The following CEP85L variants were observed in gnomAD, a reference collection of about 807,000 sequenced individuals.
The protein encoded by CEP85L is centrosomal protein of 85 kDa-like.
Under a neutral mutation model 100.3 loss-of-function variants are expected in CEP85L, and 60 were observed. The observed-to-expected ratio is 0.60, with a 90% CI of 0.49 to 0.74. The LOEUF (loss-of-function observed/expected upper bound fraction) is 0.74. Ranked by LOEUF, CEP85L falls within the 30% of genes least tolerant of loss-of-function variation. CEP85L has a pLI of 0.00. For missense variants in CEP85L, 973 were observed against 936.2 expected, an observed-to-expected ratio of 1.04 and a Z score of -0.51; for synonymous variants, 319 against 322.7, an observed-to-expected ratio of 0.99 and a Z score of 0.12.
intron 3 of CEP85L, among the ~76,000 whole-genome samples, chr6:118,524,467 C>A (rs966008908): frequency 6.6e-6 from 1 of 151,874 alleles, no homozygotes; most frequent in African/African-American, 2.4e-5. Flanking sequence ...ACAAACAAAA[C>A]CATATAAGAT....
chr6:118,652,231 A>C (rs1427595661), upstream of CEP85L, among the ~76,000 whole-genome samples: 1 of 152,150 alleles, frequency 6.6e-6, no homozygotes, highest in Non-Finnish European at 1.5e-5. Flanking sequence ...GCAAGCAGAA[A>C]GTAAAAATGG....
At chr6:118,592,565 C>T (rs997134538) in intron 2 of CEP85L, among the ~76,000 whole-genome samples, 1 of 151,940 alleles carries the variant, frequency 6.6e-6, no homozygotes, top group African/African-American at 2.4e-5. Context: ...TTCAAAGTTG[C>T]AAAAACATAG....
At chr6:118,627,474 C>G (rs1469190860) in intron 2 of CEP85L, among the ~76,000 whole-genome samples, 1 of 152,094 alleles carries the variant, frequency 6.6e-6, no homozygotes, top group Admixed American at 6.5e-5. Context: ...CAGCTGCTCC[C>G]AAAACAGAAG....
rs1031847720 is a variant in CEP85L, at chr6:118,470,685, A to G, written c.1915-41T>C. On this transcript the variant is annotated intron_variant, in intron 10 of 12. Coordinates refer to ENST00000368491, the MANE Select transcript of CEP85L (RefSeq NM_001042475.3). ...AAATTGGAAAGCAAAACAGGTTAACATGTAAAGAAAAATCTCAAACAGAAA... is the reference window on the plus strand; with the variant it reads ...AAATTGGAAAGCAAAACAGGTTAACGTGTAAAGAAAAATCTCAAACAGAAA... The G allele has an allele frequency of 4.4e-6, 5 of 1,141,380 alleles. No individual in the cohort carries two copies. In the African/African-American group the frequency reaches 6.3e-5, roughly 14 times the overall value. 70.7% of individuals were successfully genotyped at this position (1,141,380 alleles called of 1,614,324 possible).
At chr6:118,603,608 G>A (rs1242423717) in intron 2 of CEP85L, among the ~76,000 whole-genome samples, 3 of 152,182 alleles carry the variant, frequency 2.0e-5, no homozygotes, top group Admixed American at 6.6e-5. Context: ...CTCAAAAGAA[G>A]TTTTCTTGAC....
intron 2 of CEP85L, among the ~76,000 whole-genome samples, chr6:118,596,563 C>T (rs1018353799): frequency 3.9e-5 from 6 of 152,094 alleles, no homozygotes; most frequent in Admixed American, 2.6e-4. Context: ...TGGAACCAAG[C>T]GTTACATCAA....
intron 12 of CEP85L, 135 bp downstream of exon 12, chr6:118,468,937 C>T: frequency 1.6e-6 from 1 of 638,854 alleles, no homozygotes; most frequent in Non-Finnish European, 2.7e-6. Context: ...AACAGGTATA[C>T]ATAAACCCAC....
intron 1 of CEP85L, among the ~76,000 whole-genome samples, chr6:118,702,027 G>A (rs1270185968): frequency 3.3e-5 from 5 of 151,996 alleles, no homozygotes. Flanking sequence ...AGCATTTTAG[G>A]GCTAATGCTC....
intron 2 of CEP85L, among the ~76,000 whole-genome samples, chr6:118,609,434 A>C (rs1349446708): frequency 6.6e-6 from 1 of 152,212 alleles, no homozygotes; most frequent in East Asian, 1.9e-4. Flanking sequence ...AGAAAAAATA[A>C]GAAGAAATAC....
chr6:118,689,625 C>T (rs1248321069), intron 1 of CEP85L, among the ~76,000 whole-genome samples: 1 of 152,158 alleles, frequency 6.6e-6, no homozygotes, highest in Non-Finnish European at 1.5e-5. Flanking sequence ...ATATGATCTC[C>T]TCTTCATTAC....
intron 2 of CEP85L, among the ~76,000 whole-genome samples, chr6:118,628,342 C>T (rs147063654): frequency 1.3e-3 from 200 of 151,882 alleles, no homozygotes; most frequent in African/African-American, 4.5e-3. Flanking sequence ...TAATGTAAGC[C>T]GAGGGATAAA....
At chr6:118,552,272 AG>A (rs1410282888) in intron 3 of CEP85L, among the ~76,000 whole-genome samples, 1 of 152,094 alleles carries the variant, frequency 6.6e-6, no homozygotes, top group African/African-American at 2.4e-5. Flanking sequence ...TTATTATTTC[AG>A]CAAAAGGAAT....
chr6:118,506,149 G>A (rs1322202975), intron 5 of CEP85L, among the ~76,000 whole-genome samples: 1 of 152,062 alleles, frequency 6.6e-6, no homozygotes, highest in African/African-American at 2.4e-5. Flanking sequence ...AAAATAATAG[G>A]GCGTATGGAA....
At chr6:118,471,123 T>C (rs1433641538) in intron 10 of CEP85L, among the ~76,000 whole-genome samples, 1 of 152,024 alleles carries the variant, frequency 6.6e-6, no homozygotes, top group East Asian at 1.9e-4. Context: ...TTTCATTGTA[T>C]AGTAATCCAA....
intron 1 of CEP85L, among the ~76,000 whole-genome samples, chr6:118,640,699 G>A (rs1774805188): frequency 6.6e-6 from 1 of 151,780 alleles, no homozygotes; most frequent in South Asian, 2.1e-4. Context: ...TAATTTTTTA[G>A]GTTTTTTTTA....
intron 2 of CEP85L, among the ~76,000 whole-genome samples, chr6:118,611,328 A>G (rs986164856): frequency 2.9e-4 from 44 of 152,178 alleles, no homozygotes; most frequent in African/African-American, 1.0e-3. Context: ...TATATAATAT[A>G]CCAAGAGCAA....
intron 1 of CEP85L, among the ~76,000 whole-genome samples, chr6:118,708,087 C>T (rs1336678940): frequency 6.6e-6 from 1 of 152,092 alleles, no homozygotes. Flanking sequence ...AAATAGAAGG[C>T]CAAAAGGTCG....
chr6:118,613,829 G>C (rs928480007), intron 2 of CEP85L, among the ~76,000 whole-genome samples: 2 of 148,720 alleles, frequency 1.3e-5, no homozygotes, highest in Non-Finnish European at 3.0e-5. Context: ...AAAAGAATCA[G>C]CACCATTCTA....
chr6:118,506,447 T>C (rs1359798328), intron 5 of CEP85L, among the ~76,000 whole-genome samples: 1 of 152,204 alleles, frequency 6.6e-6, no homozygotes, highest in Non-Finnish European at 1.5e-5. Flanking sequence ...AGTGCACTTC[T>C]CAAGGAAGAG....
Sources: gnomAD v4.1 joint callset for allele counts (sites outside exome capture counted in the v4.1 genomes callset) on GRCh38, gnomAD v4.1.1 for gene constraint, MANE v1.5 for transcripts, NCBI Gene and HGNC (gene_info 2026-07-23, HGNC 2026-07-21) for gene names.